Variants in IL2RA observed in about 807,000 individuals in gnomAD.
The protein encoded by IL2RA is interleukin 2 receptor subunit alpha.
A neutral mutation model predicts 37.8 loss-of-function variants in IL2RA; 24 were observed. The ratio of observed to expected loss-of-function variants is 0.63; its 90% CI spans 0.46 to 0.89. IL2RA has a LOEUF of 0.89. IL2RA is among the 40% of genes least tolerant of loss of function. The pLI, the probability that IL2RA is intolerant of heterozygous loss-of-function variation, is 0.00. For synonymous variants in IL2RA, 125 were observed against 114.6 expected, an observed-to-expected ratio of 1.09 and a Z score of -0.58; for missense variants, 319 against 348.6, an observed-to-expected ratio of 0.92 and a Z score of 0.68.
At position 6,056,917 on chromosome 10, in the gene IL2RA, G is replaced by C. The variant is rs1301192028; in HGVS notation, c.64+5171C>G. Among the ~76,000 whole-genome samples the C allele has an allele frequency of 1.3e-5, 2 of 152,186 alleles. No homozygotes were observed. Among genetic ancestry groups the C allele is most frequent in the Admixed American group, 6.5e-5 (1 of 15,290 alleles). On this transcript the variant is annotated intron_variant, in intron 1 of 7. Coordinates refer to ENST00000379959, the MANE Select transcript of IL2RA (RefSeq NM_000417.3). This position sits in a 1 kb window ranked among gnomAD's most constrained non-coding sequence, Gnocchi z 5.0. ...AACAGCAGAGGACCCCGCCCTCCCT[G>C]TCCAGGGCAGGAGCACAGTGGACCA...
At chr10:6,026,046 A>C in intron 1 of IL2RA, 21 bp from the exon 2 acceptor site, 1 of 1,611,730 alleles carries the variant, frequency 6.2e-7, no homozygotes, top group Non-Finnish European at 8.5e-7. Flanking sequence ...AAAGAAGCCT[A>C]TTAGGAACTC....
chr10:6,058,752 G>C lies in IL2RA; in HGVS notation c.64+3336C>G, dbSNP rs1389889192. ...CTAGAATGAAAGAAAGATGATCAAG[G>C]GACATACAAGCTCTCAGAATTTCCA... is the stretch of plus-strand genomic sequence containing the variant. On this transcript the variant is annotated intron_variant, in intron 1 of 7. Coordinates refer to ENST00000379959, the MANE Select transcript of IL2RA (RefSeq NM_000417.3). The surrounding 1 kb of genome is among the most constrained non-coding windows in gnomAD (Gnocchi z 4.2). Among the ~76,000 whole-genome samples, 1 of 152,118 alleles carries C rather than the reference G, an allele frequency of 6.6e-6. No homozygotes were observed. Among genetic ancestry groups the C allele is most frequent in the Non-Finnish European group, 1.5e-5 (1 of 68,028 alleles).
In IL2RA at chr10:6,029,966, A is replaced by T. The variant is rs866817797; in HGVS notation, c.65-3941T>A. Among the ~76,000 whole-genome samples, 83 of 152,352 alleles carry T rather than the reference A, an allele frequency of 5.4e-4. No homozygotes were observed. The highest frequency in any genetic ancestry group is 1.9e-3 in the African/African-American group (80 of 41,594). ...ATGATCCACCTGCCTTGGCCTCCCA[A>T]AGTGCTGGGATTACAGGTGTGAGCC... On this transcript the variant is annotated intron_variant, in intron 1 of 7. Transcript: ENST00000379959. This position sits in a 1 kb window ranked among gnomAD's most constrained non-coding sequence, Gnocchi z 4.6.
chr10:6,030,531 C>G (rs992682666), intron 1 of IL2RA, among the ~76,000 whole-genome samples: 1 of 152,150 alleles, frequency 6.6e-6, no homozygotes, highest in Admixed American at 6.5e-5. Flanking sequence ...ACCTTGAAAT[C>G]TACCTAGAGA....
At position 6,042,148 on chromosome 10, in the gene IL2RA, C is replaced by CAAAAAAAAA. The variant is rs57093239; in HGVS notation, c.65-16132_65-16124dup. 2.5e-3 allele frequency among the ~76,000 whole-genome samples: 135 copies of CAAAAAAAAA among 54,130 alleles called. 31 individuals carry two copies. Among genetic ancestry groups the CAAAAAAAAA allele is most frequent in the African/African-American group, 3.6e-3 (47 of 13,234 alleles). 35.5% of individuals were successfully genotyped at this position (54,130 alleles called of 152,430 possible). On this transcript the variant is annotated intron_variant, in intron 1 of 7. Transcript: ENST00000379959. Reference sequence around the variant, plus strand: ...CACCTGATGCTAGCAATGTATTAAGCAAAAAAAAAAAAAAAAAAAATTCTG... The same window carrying CAAAAAAAAA: ...CACCTGATGCTAGCAATGTATTAAGCAAAAAAAAAAAAAAAAAAAAAAAAAAAAATTCTG...
intron 1 of IL2RA, among the ~76,000 whole-genome samples, chr10:6,031,447 TATATATAC>T (rs1470781224): frequency 0.063 from 3,736 of 59,502 alleles, 242 homozygotes; most frequent in East Asian, 0.082. Flanking sequence ...TTTCAGTATA[TATATATAC>T]ATATATATAT....
intron 1 of IL2RA, among the ~76,000 whole-genome samples, chr10:6,043,563 C>T (rs1033656043): frequency 6.6e-6 from 1 of 152,126 alleles, no homozygotes; most frequent in African/African-American, 2.4e-5. Context: ...CTCAGCCCCC[C>T]AAGAAGCTGG....
At chr10:6,019,320 C>A (rs1308278223) in intron 6 of IL2RA, 108 bp downstream of exon 6, 1 of 853,288 alleles carries the variant, frequency 1.2e-6, no homozygotes, top group African/African-American at 1.7e-5. Flanking sequence ...ACCAGTCAAC[C>A]AACTAACCAA....
At chr10:6,059,952 T>C (rs1413619482) in intron 1 of IL2RA, among the ~76,000 whole-genome samples, 1 of 152,080 alleles carries the variant, frequency 6.6e-6, no homozygotes, top group Non-Finnish European at 1.5e-5. Context: ...TTTCCTATAG[T>C]GTTGAGGGGC....
At chr10:6,052,462 T>G (rs1839980683) in intron 1 of IL2RA, among the ~76,000 whole-genome samples, 1 of 152,184 alleles carries the variant, frequency 6.6e-6, no homozygotes, top group Non-Finnish European at 1.5e-5. Flanking sequence ...AATGAACATT[T>G]GCTGAATGAA....
intron 1 of IL2RA, among the ~76,000 whole-genome samples, chr10:6,060,632 C>T (rs1840109162): frequency 6.6e-6 from 1 of 152,088 alleles, no homozygotes; most frequent in East Asian, 1.9e-4. Flanking sequence ...GTGCACGCAC[C>T]TGTAAACCTA....
rs1234281799 is a variant in IL2RA, at chr10:6,056,516, C to T, written c.64+5572G>A. 6.6e-6 allele frequency among the ~76,000 whole-genome samples: 1 copy of T among 152,150 alleles called. No homozygotes were observed. Among genetic ancestry groups the T allele is most frequent in the African/African-American group, 2.4e-5 (1 of 41,420 alleles). On this transcript the variant is annotated intron_variant, in intron 1 of 7. Coordinates refer to ENST00000379959, the MANE Select transcript of IL2RA (RefSeq NM_000417.3). This position sits in a 1 kb window ranked among gnomAD's most constrained non-coding sequence, Gnocchi z 5.0. ...CCTGTAATCCCAGCACTTTGGAAGGCCCATGCAGATGGATGGCTTGAGGCT... is the reference window on the plus strand; with the variant it reads ...CCTGTAATCCCAGCACTTTGGAAGGTCCATGCAGATGGATGGCTTGAGGCT...
intron 1 of IL2RA, among the ~76,000 whole-genome samples, chr10:6,055,712 T>G (rs538896002): frequency 3.1e-5 from 1 of 32,750 alleles, no homozygotes; most frequent in African/African-American, 5.4e-5. Context: ...CTCAATGAGC[T>G]GTTGGGCACA....
At chr10:6,037,572 G>T (rs188730299) in intron 1 of IL2RA, among the ~76,000 whole-genome samples, 2 of 152,194 alleles carry the variant, frequency 1.3e-5, no homozygotes, top group Non-Finnish European at 2.9e-5. Context: ...CTTTACAAGG[G>T]ACACAGGTAC....
chr10:6,030,230 T>C (rs1284309346), intron 1 of IL2RA, among the ~76,000 whole-genome samples: 4 of 152,096 alleles, frequency 2.6e-5, no homozygotes. Flanking sequence ...AAAAAATATA[T>C]GAAGAAATAA....
rs541602804 is a variant in IL2RA at position 6,039,114 on chromosome 10, G to A, written c.65-13089C>T. Reference sequence around the variant, plus strand: ...TGCTTAAAGCATAAATGCTCCAAAAGTTTGAAACTAAAAGAATGGACAATT... The same window carrying A: ...TGCTTAAAGCATAAATGCTCCAAAAATTTGAAACTAAAAGAATGGACAATT... On this transcript the variant is annotated intron_variant, in intron 1 of 7. Transcript: ENST00000379959. Among the ~76,000 whole-genome samples the A allele has an allele frequency of 2.6e-5, 4 of 152,244 alleles. No homozygotes were observed. The East Asian group carries it at 5.8e-4, about 22-fold the overall frequency.
intron 1 of IL2RA, among the ~76,000 whole-genome samples, chr10:6,027,930 C>T (rs12722561): frequency 0.14 from 21,434 of 152,094 alleles, 1,571 homozygotes; most frequent in Non-Finnish European, 0.16. Context: ...TCAGAAAAAC[C>T]AGTGAAGACT....
At chr10:6,030,344 C>A (rs12722677) in intron 1 of IL2RA, among the ~76,000 whole-genome samples, 1 of 152,074 alleles carries the variant, frequency 6.6e-6, no homozygotes, top group Non-Finnish European at 1.5e-5. Context: ...CTATATACAT[C>A]GTAGCTAAAC....
rs947960959 is a variant in IL2RA at position 6,046,477 on chromosome 10, A to G, written c.64+15611T>C. ...AGGCACTGTGGGATTGATGGAGTGG[A>G]CAGCATAGAGCAGAGAGCTTACGGT... On this transcript the variant is annotated intron_variant, in intron 1 of 7. Transcript: ENST00000379959. The surrounding 1 kb of genome is among the most constrained non-coding windows in gnomAD (Gnocchi z 4.8). Among the ~76,000 whole-genome samples, 2 of 152,204 alleles carry G rather than the reference A, an allele frequency of 1.3e-5. No homozygotes were observed. The highest frequency in any genetic ancestry group is 4.8e-5 in the African/African-American group (2 of 41,450).
Sources: allele counts gnomAD v4.1 joint callset (sites outside exome capture counted in the v4.1 genomes callset), GRCh38; gene constraint gnomAD v4.1.1; non-coding constraint Gnocchi (gnomAD v3.1); transcripts MANE v1.5; gene names NCBI Gene and HGNC (gene_info 2026-07-23, HGNC 2026-07-21).